Variants in NUP98 observed in about 807,000 individuals in gnomAD.
NUP98 encodes the protein nucleoporin 98 and 96 precursor.
NUP98 carries 26 observed loss-of-function variants against 191.9 expected under a neutral mutation model. The observed-to-expected ratio is 0.14, with a 90% CI of 0.10 to 0.19. The LOEUF (loss-of-function observed/expected upper bound fraction) is 0.19. NUP98 is among the 10% of genes least tolerant of loss of function. The probability of loss-of-function intolerance (pLI) is 1.00; values close to 1 mark genes in which losing one functional copy is unlikely to be tolerated. For synonymous variants in NUP98, 808 were observed against 778.4 expected, an observed-to-expected ratio of 1.04 and a Z score of -0.63; for missense variants, 1,941 against 2,178.8, an observed-to-expected ratio of 0.89 and a Z score of 2.17.
In NUP98 at chr11:3,771,779, T is replaced by C. The variant is rs542373263; in HGVS notation, c.753A>G (p.Ala251=). 15 of 1,614,232 alleles carry C rather than the reference T, an allele frequency of 9.3e-6. No homozygotes were observed. The highest frequency in any genetic ancestry group is 4.0e-5 in the African/African-American group (3 of 75,068). ...FSSSTTNSGF[A]YGQNKTAFGT... is the part of the protein sequence containing the mutation. Reference sequence around the variant, plus strand: ...CAAAGGCAGTTTTGTTCTGACCATATGCAAAGCCTGAATTAGTGGTGGAGG... The same window carrying C: ...CAAAGGCAGTTTTGTTCTGACCATACGCAAAGCCTGAATTAGTGGTGGAGG... The change falls in exon 7 of 33, where the codon GCA becomes GCG. Residue 251 remains alanine, a synonymous_variant. Coordinates refer to ENST00000324932, the MANE Select transcript of NUP98 (RefSeq NM_016320.5).
chr11:3,785,274 A>T lies in NUP98; in HGVS notation c.-28-3129T>A, dbSNP rs1336312036. 1.3e-5 allele frequency among the ~76,000 whole-genome samples: 2 copies of T among 151,946 alleles called. 1 individual carries two copies. Among genetic ancestry groups the T allele is most frequent in the Admixed American group, 1.3e-4 (2 of 15,250 alleles). On this transcript the variant is annotated intron_variant, in intron 1 of 32. Coordinates refer to ENST00000324932, the MANE Select transcript of NUP98 (RefSeq NM_016320.5). ...ACCAAACCATGACTGTAATCACTTC[A>T]CGGCAATGACAGGCTGAAGCTTAGT...
chr11:3,763,123 T>C (rs1370213946), intron 8 of NUP98, 84 bp from the exon 9 acceptor site: 14 of 1,352,938 alleles, frequency 1.0e-5, no homozygotes, highest in Middle Eastern at 2.1e-4. Flanking sequence ...AAAGTTACCA[T>C]TTTTTCAAGC....
rs188881868 is a variant in NUP98, at chr11:3,797,073, C to G, written c.-29+327G>C. ...GTATTCAGGGTTTCAAGGCGCTGACCCCGGAAAGGCCAGCCCACCGTGGGG... is the reference window on the plus strand; with the variant it reads ...GTATTCAGGGTTTCAAGGCGCTGACGCCGGAAAGGCCAGCCCACCGTGGGG... On this transcript the variant is annotated intron_variant, in intron 1 of 32. Coordinates refer to ENST00000324932, the MANE Select transcript of NUP98 (RefSeq NM_016320.5). 1.9e-3 allele frequency among the ~76,000 whole-genome samples: 289 copies of G among 152,332 alleles called. 1 individual carries two copies. Among genetic ancestry groups the G allele is most frequent in the Non-Finnish European group, 1.6e-3 (108 of 68,036 alleles).
intron 11 of NUP98, among the ~76,000 whole-genome samples, chr11:3,745,153 A>G (rs971072847): frequency 2.0e-5 from 3 of 152,250 alleles, no homozygotes; most frequent in African/African-American, 7.2e-5. Context: ...CAGGTTTCCA[A>G]AGAATTTTTA....
chr11:3,745,367 G>A (rs929339362), intron 11 of NUP98, among the ~76,000 whole-genome samples: 5 of 152,144 alleles, frequency 3.3e-5, no homozygotes, highest in Non-Finnish European at 5.9e-5. Context: ...GTCTTCTGGT[G>A]AGGTTACTAA....
chr11:3,768,783 T>TA (rs1564906824), intron 7 of NUP98, 39 bp from the exon 8 acceptor site: 20 of 1,456,124 alleles, frequency 1.4e-5, no homozygotes, highest in Admixed American at 9.2e-5. Flanking sequence ...AAAGAAATAA[T>TA]AAAAAAAATG....
intron 11 of NUP98, among the ~76,000 whole-genome samples, chr11:3,746,294 A>AAAACG (rs144936005): frequency 0.036 from 3,375 of 92,972 alleles, 173 homozygotes; most frequent in Non-Finnish European, 0.05. Flanking sequence ...AAAAAAAAAA[A>AAAACG]GACAGCTTTG....
In NUP98 at chr11:3,675,949, G is replaced by C. The variant is rs1564794185; in HGVS notation, c.*210C>G. 1 of 582,694 alleles carries C rather than the reference G, an allele frequency of 1.7e-6. No homozygotes were observed. The allele number at this position is 582,694 out of a possible 1,614,324, so 36.1% of individuals were successfully genotyped here. On this transcript the variant is annotated 3_prime_UTR_variant, in exon 33 of 33. Transcript: ENST00000324932. ...TGAATGATCTTGAGGATGGTAAACT[G>C]TCTCCTCTTCTGGGTTCCAGAAGCC... is the stretch of plus-strand genomic sequence containing the variant.
chr11:3,782,507 T>C (rs2082003404), intron 1 of NUP98, among the ~76,000 whole-genome samples: 1 of 151,994 alleles, frequency 6.6e-6, no homozygotes, highest in Non-Finnish European at 1.5e-5. Context: ...CATAGGAGGT[T>C]ATGAATCATA....
Position 3,675,971 on chromosome 11 carries a change from A to T in NUP98, c.*188T>A. The T allele has an allele frequency of 1.7e-6, 1 of 596,702 alleles. No homozygotes were observed. Among genetic ancestry groups the T allele is most frequent in the Non-Finnish European group, 3.0e-6 (1 of 336,300 alleles). 37.0% of individuals were successfully genotyped at this position (596,702 alleles called of 1,614,324 possible). On this transcript the variant is annotated 3_prime_UTR_variant, in exon 33 of 33. Transcript: ENST00000324932. ...ACTGTCTCCTCTTCTGGGTTCCAGA[A>T]GCCCTTATGCTACGTTCAGTATTAA... is the stretch of plus-strand genomic sequence containing the variant.
At position 3,753,334 on chromosome 11, in the gene NUP98, C is replaced by T; in HGVS notation, c.1249G>A (p.Gly417Ser). ...PAPGTLGTGL[G>S]AGFGTALGAG... ...TTCTTACCTGTTCCAAATCCTGCAC[C>T]AAGCCCAGTTCCAAGAGTCCCAGGT... The change falls in exon 11 of 33, where the codon GGT (glycine) becomes AGT (serine). Residue 417 changes from glycine (G) to serine (S), a missense_variant. Around this residue, in one of 6 missense-constraint regions of NUP98, gnomAD observed 453 missense variants for 438.2 expected, o/e 1.03. Coordinates refer to ENST00000324932, the MANE Select transcript of NUP98 (RefSeq NM_016320.5). The T allele has an allele frequency of 8.7e-6, 14 of 1,613,970 alleles. No individual in the cohort carries two copies. Among genetic ancestry groups the T allele is most frequent in the Non-Finnish European group, 1.2e-5 (14 of 1,179,904 alleles).
chr11:3,679,360 T>C, intron 31 of NUP98, 194 bp downstream of exon 31: 3 of 713,556 alleles, frequency 4.2e-6, no homozygotes. Context: ...GTAATCAACA[T>C]AAAATAGCAT....
chr11:3,743,999 C>T (rs1258505720), intron 12 of NUP98, among the ~76,000 whole-genome samples: 1 of 152,082 alleles, frequency 6.6e-6, no homozygotes, highest in Non-Finnish European at 1.5e-5. Flanking sequence ...GTGGAGGTTG[C>T]AGTGAGCTGA....
chr11:3,787,520 T>G (rs1279391155), intron 1 of NUP98, among the ~76,000 whole-genome samples: 1 of 150,940 alleles, frequency 6.6e-6, no homozygotes, highest in African/African-American at 2.4e-5. Context: ...AAGGCAGAGG[T>G]TGCAGTGAGC....
At chr11:3,694,760 T>A (rs538578009) in intron 26 of NUP98, among the ~76,000 whole-genome samples, 238 of 144,522 alleles carry the variant, frequency 1.6e-3, no homozygotes, top group African/African-American at 4.8e-3. Context: ...AAAAAAAAAA[T>A]GCTGCAGGGC....
chr11:3,797,064 G>A (rs1048129210), intron 1 of NUP98, among the ~76,000 whole-genome samples: 1 of 152,218 alleles, frequency 6.6e-6, no homozygotes, highest in African/African-American at 2.4e-5. Context: ...AGGGTTTCAA[G>A]GCGCTGACCC....
chr11:3,712,429 G>A (rs781535163), intron 20 of NUP98, 135 bp downstream of exon 20: 4 of 1,470,706 alleles, frequency 2.7e-6, no homozygotes, highest in Non-Finnish European at 3.6e-6. Context: ...CCTTGCACTT[G>A]TTTCAACGTG....
At chr11:3,691,220 G>T in intron 28 of NUP98, 127 bp downstream of exon 28, 1 of 931,224 alleles carries the variant, frequency 1.1e-6, no homozygotes, top group Non-Finnish European at 1.6e-6. Context: ...ACTACTTTAA[G>T]TTATATTTGG....
At chr11:3,725,892 C>T (rs1050983124) in intron 14 of NUP98, among the ~76,000 whole-genome samples, 5 of 152,186 alleles carry the variant, frequency 3.3e-5, no homozygotes, top group African/African-American at 4.8e-5. Flanking sequence ...TCATGGCTCA[C>T]TACAGCCTTG....
Sources: gnomAD v4.1 joint callset for allele counts (sites outside exome capture counted in the v4.1 genomes callset) on GRCh38, gnomAD v4.1.1 for gene constraint, gnomAD v4.1.1 regional missense constraint, MANE v1.5 for transcripts, NCBI Gene and HGNC (gene_info 2026-07-23, HGNC 2026-07-21) for gene names.